The following ELOVL6 variants were observed in gnomAD, a reference collection of about 807,000 sequenced individuals.
The protein encoded by ELOVL6 is very long chain fatty acid elongase 6.
Under a neutral mutation model 31.7 loss-of-function variants are expected in ELOVL6, and 8 were observed. That is an observed-to-expected ratio of 0.25 (90% CI 0.15 to 0.45). The LOEUF is 0.45. Among genes scored for constraint, ELOVL6 ranks in the 20% least tolerant of loss-of-function variants. The pLI is 1.00. For synonymous variants in ELOVL6, 101 were observed against 117.7 expected (o/e 0.86, Z 0.92); for missense variants, 126 against 326.4 (o/e 0.39, Z 4.73).
At chr4:110,149,843 G>T (rs1015687641) in intron 1 of ELOVL6, among the ~76,000 whole-genome samples, 1 of 152,140 alleles carries the variant, frequency 6.6e-6, no homozygotes, top group African/African-American at 2.4e-5. Context: ...AAAACATGTT[G>T]TAAGCACCCC....
chr4:110,084,099 T>TATGATATATATAACATATATGTGATA (rs1756034219), intron 2 of ELOVL6, among the ~76,000 whole-genome samples: 1 of 95,314 alleles, frequency 1.0e-5, no homozygotes, highest in Admixed American at 1.4e-4. Context: ...ATAACATATA[T>TATGATATATATAACATATATGTGATA]ATGATATATA....
intron 1 of ELOVL6, among the ~76,000 whole-genome samples, chr4:110,168,257 G>A (rs1365434257): frequency 7.9e-5 from 12 of 152,168 alleles, no homozygotes; most frequent in Non-Finnish European, 8.8e-5. Context: ...GCTCATGCCT[G>A]TAATCCCAGC....
chr4:110,165,608 G>A (rs192035521), intron 1 of ELOVL6, among the ~76,000 whole-genome samples: 3 of 152,322 alleles, frequency 2.0e-5, no homozygotes, highest in African/African-American at 7.2e-5. Context: ...GCTGTGGTAG[G>A]CAGGAAGTAG....
chr4:110,084,578 ATATATATATATT>A (rs1756176813), intron 2 of ELOVL6, among the ~76,000 whole-genome samples: 1 of 50,806 alleles, frequency 2.0e-5, no homozygotes, highest in Non-Finnish European at 3.2e-5. Context: ...ATATATATAT[ATATATATATATT>A]TTTTTTTTTT....
At chr4:110,152,037 T>A (rs1349314221) in intron 1 of ELOVL6, among the ~76,000 whole-genome samples, 1 of 152,154 alleles carries the variant, frequency 6.6e-6, no homozygotes, top group Non-Finnish European at 1.5e-5. Context: ...AGATGTAAAA[T>A]AAAAGGGAGT....
intron 2 of ELOVL6, among the ~76,000 whole-genome samples, chr4:110,103,962 T>C (rs1421732127): frequency 6.6e-6 from 1 of 152,236 alleles, no homozygotes; most frequent in Non-Finnish European, 1.5e-5. Flanking sequence ...TCAATAAGAA[T>C]TATTTCAGCC....
intron 2 of ELOVL6, among the ~76,000 whole-genome samples, chr4:110,082,043 G>A (rs1460062666): frequency 1.4e-5 from 2 of 147,418 alleles, no homozygotes; most frequent in Non-Finnish European, 3.0e-5. Flanking sequence ...ACCACAATGA[G>A]ATACCGTCTC....
intron 2 of ELOVL6, among the ~76,000 whole-genome samples, chr4:110,066,402 C>T (rs779097807): frequency 1.3e-5 from 2 of 151,726 alleles, no homozygotes; most frequent in South Asian, 2.1e-4. Flanking sequence ...TTTGGGAGGC[C>T]GAGATGGGCG....
At chr4:110,183,330 A>G (rs62326655) in intron 1 of ELOVL6, among the ~76,000 whole-genome samples, 1 of 152,184 alleles carries the variant, frequency 6.6e-6, no homozygotes, top group Admixed American at 6.5e-5. Context: ...CCCAGCTGTA[A>G]GCAACATCCC....
chr4:110,109,509 A>G (rs901164935), intron 1 of ELOVL6, among the ~76,000 whole-genome samples: 5 of 152,226 alleles, frequency 3.3e-5, no homozygotes. Flanking sequence ...TAGTGGATCT[A>G]TCCTTAGAAA....
chr4:110,084,589 T>TATATATATA (rs1491219333), intron 2 of ELOVL6, among the ~76,000 whole-genome samples: 11 of 25,634 alleles, frequency 4.3e-4, no homozygotes, highest in Non-Finnish European at 5.1e-4. Flanking sequence ...TATATATATA[T>TATATATATA]TTTTTTTTTT....
chr4:110,141,909 C>T (rs1757975386), intron 1 of ELOVL6, among the ~76,000 whole-genome samples: 1 of 136,774 alleles, frequency 7.3e-6, no homozygotes, highest in Admixed American at 7.5e-5. Flanking sequence ...TATACTAATA[C>T]AATATATACA....
At chr4:110,117,903 A>AAAAAAAAAAAAAAAT in intron 1 of ELOVL6, 3 of 6,506 alleles carry the variant, frequency 4.6e-4, no homozygotes, top group African/African-American at 9.8e-4. Flanking sequence ...AAAAAAAAAA[A>AAAAAAAAAAAAAAAT]ATATATATAT....
intron 2 of ELOVL6, among the ~76,000 whole-genome samples, chr4:110,086,702 A>G (rs1486758657): frequency 1.3e-5 from 2 of 152,150 alleles, no homozygotes; most frequent in Non-Finnish European, 2.9e-5. Context: ...AAATTGTTAG[A>G]GCCAAGAACT....
intron 2 of ELOVL6, among the ~76,000 whole-genome samples, chr4:110,089,003 G>A (rs1376508000): frequency 6.6e-6 from 1 of 152,142 alleles, no homozygotes; most frequent in Non-Finnish European, 1.5e-5. Context: ...TCATTGTAGG[G>A]ACTAGAAGTG....
chr4:110,063,720 A>G (rs988970901), intron 2 of ELOVL6, among the ~76,000 whole-genome samples: 3 of 151,582 alleles, frequency 2.0e-5, no homozygotes, highest in Non-Finnish European at 2.9e-5. Context: ...ACTACGTCAC[A>G]TGCCTTTTCC....
At chr4:110,145,577 G>C (rs961073946) in intron 1 of ELOVL6, among the ~76,000 whole-genome samples, 42 of 152,250 alleles carry the variant, frequency 2.8e-4, no homozygotes, top group African/African-American at 1.0e-3. Context: ...GAATAGAACA[G>C]ATGTGGGTTT....
chr4:110,156,880 C>A (rs1201648779), intron 1 of ELOVL6, among the ~76,000 whole-genome samples: 1 of 152,110 alleles, frequency 6.6e-6, no homozygotes, highest in African/African-American at 2.4e-5. Context: ...ACTGAAAACA[C>A]AAAATTAGTC....
chr4:110,122,052 A>G (rs572858966), intron 1 of ELOVL6, among the ~76,000 whole-genome samples: 1 of 152,234 alleles, frequency 6.6e-6, no homozygotes, highest in African/African-American at 2.4e-5. Flanking sequence ...GGCATACTAC[A>G]CCGTTGTTTT....
Sources: allele counts gnomAD v4.1 joint callset (sites outside exome capture counted in the v4.1 genomes callset), GRCh38; gene constraint gnomAD v4.1.1; transcripts MANE v1.5; gene names NCBI Gene and HGNC (gene_info 2026-07-23, HGNC 2026-07-21).